TSPAN7: variants seen among roughly 807,000 people sequenced by gnomAD.
TSPAN7 encodes tetraspanin-7.
Under a neutral mutation model 17.6 loss-of-function variants are expected in TSPAN7, and 1 was observed. The ratio of observed to expected loss-of-function variants is 0.06; its 90% CI spans 0.02 to 0.27. The LOEUF (loss-of-function observed/expected upper bound fraction) is 0.27. TSPAN7 is among the 10% of genes least tolerant of loss of function. The probability of loss-of-function intolerance (pLI) is 1.00; values close to 1 mark genes in which losing one functional copy is unlikely to be tolerated. For synonymous variants in TSPAN7, 78 were observed against 79.0 expected (o/e 0.99, Z 0.07); for missense variants, 112 against 201.7 (o/e 0.56, Z 2.69).
At chrX:38,566,237 G>A (rs2069143123) in intron 1 of TSPAN7, 3 of 585,806 alleles carry the variant, frequency 5.1e-6, no homozygotes, top group Non-Finnish European at 6.9e-6. Context: ...TGGATGGGAT[G>A]ATTTGTCTTT....
intron 1 of TSPAN7, among the ~76,000 whole-genome samples, chrX:38,601,149 T>G (rs1016449813): frequency 4.5e-5 from 5 of 111,853 alleles, no homozygotes; most frequent in African/African-American, 1.6e-4. Flanking sequence ...CATGATATTC[T>G]GAAACAGGCG....
intron 6 of TSPAN7, among the ~76,000 whole-genome samples, chrX:38,685,463 T>C (rs1448203170): frequency 9.0e-6 from 1 of 110,972 alleles, no homozygotes; most frequent in Non-Finnish European, 1.9e-5. Context: ...CTACTAAAAA[T>C]ACAAAAATTA....
intron 1 of TSPAN7, among the ~76,000 whole-genome samples, chrX:38,587,329 C>T (rs1482340038): frequency 1.8e-5 from 2 of 111,955 alleles, no homozygotes; most frequent in Non-Finnish European, 3.8e-5. Context: ...CTGTGGAGCT[C>T]TAATATGATT....
At chrX:38,563,864 A>C (rs1416033259) in intron 1 of TSPAN7, among the ~76,000 whole-genome samples, 1 of 111,715 alleles carries the variant, frequency 9.0e-6, no homozygotes, top group East Asian at 2.8e-4. Flanking sequence ...ATCTCTTCGG[A>C]TGTGTGAGGA....
chrX:38,603,817 A>C (rs898187206), intron 1 of TSPAN7, among the ~76,000 whole-genome samples: 2 of 109,271 alleles, frequency 1.8e-5, no homozygotes, highest in Non-Finnish European at 3.8e-5. Context: ...TTAATATTTT[A>C]TTTATTTTTT....
intron 1 of TSPAN7, among the ~76,000 whole-genome samples, chrX:38,622,608 T>C (rs2069494847): frequency 8.9e-6 from 1 of 112,365 alleles, no homozygotes; most frequent in Non-Finnish European, 1.9e-5. Context: ...TAGTTAGGAT[T>C]CTGACTGGTA....
chrX:38,618,686 A>T (rs190449298), intron 1 of TSPAN7, among the ~76,000 whole-genome samples: 2 of 111,813 alleles, frequency 1.8e-5, no homozygotes, highest in East Asian at 5.6e-4. Context: ...CTTCATGTTA[A>T]TTCCTTTGCT....
chrX:38,594,020 T>C (rs1290249414), intron 1 of TSPAN7, among the ~76,000 whole-genome samples: 1 of 112,068 alleles, frequency 8.9e-6, no homozygotes, highest in African/African-American at 3.2e-5. Context: ...CTTCTTTCTC[T>C]GATAGTGAGA....
At chrX:38,628,345 T>G (rs2069533158) in intron 1 of TSPAN7, among the ~76,000 whole-genome samples, 1 of 111,897 alleles carries the variant, frequency 8.9e-6, no homozygotes, top group African/African-American at 3.2e-5. Flanking sequence ...TGTTTTTTTT[T>G]GTTTTTGTTT....
rs142345745 is a variant in TSPAN7, at chrX:38,622,672, T to G, written c.82-43449T>G. The stretch of plus-strand genomic sequence containing the variant: ...GGTCCTACTTGGGAAGGTGGAGAGA[T>G]TGAGTGCCATGTTGGCAGTTTACCT... On this transcript the variant is annotated intron_variant, in intron 1 of 7. Transcript: ENST00000378482. Among the ~76,000 whole-genome samples the G allele has an allele frequency of 4.2e-3, 477 of 112,282 alleles. 2 individuals are homozygous for G. Among genetic ancestry groups the G allele is most frequent in the African/African-American group, 0.015 (458 of 30,948 alleles).
intron 1 of TSPAN7, among the ~76,000 whole-genome samples, chrX:38,661,606 G>T (rs1489453137): frequency 8.9e-6 from 1 of 111,924 alleles, no homozygotes; most frequent in Non-Finnish European, 1.9e-5. Flanking sequence ...CCTTCACCAG[G>T]CCAGTCATGT....
chrX:38,657,540 G>A (rs2069711708), intron 1 of TSPAN7, among the ~76,000 whole-genome samples: 1 of 111,766 alleles, frequency 8.9e-6, no homozygotes, highest in South Asian at 3.7e-4. Context: ...CTTGGTGAAT[G>A]CTGTTGACCA....
chrX:38,648,683 C>T (rs1288164617), intron 1 of TSPAN7, among the ~76,000 whole-genome samples: 8 of 111,770 alleles, frequency 7.2e-5, no homozygotes, highest in Middle Eastern at 4.6e-3. Context: ...AACTCCTGGC[C>T]TTAAACAGTC....
chrX:38,665,848 A>T (rs1008460468), intron 1 of TSPAN7, among the ~76,000 whole-genome samples: 1 of 112,037 alleles, frequency 8.9e-6, no homozygotes, highest in South Asian at 3.8e-4. Flanking sequence ...ACTGCTTTTT[A>T]AAAAAGAAGT....
intron 1 of TSPAN7, among the ~76,000 whole-genome samples, chrX:38,564,367 C>T (rs1241877749): frequency 8.9e-6 from 1 of 112,021 alleles, no homozygotes; most frequent in African/African-American, 3.2e-5. Flanking sequence ...GATTATAGCA[C>T]ATTTTGTTTA....
intron 1 of TSPAN7, among the ~76,000 whole-genome samples, chrX:38,629,357 A>G (rs62587378): frequency 1.1e-4 from 12 of 112,311 alleles, no homozygotes; most frequent in Non-Finnish European, 1.9e-4. Flanking sequence ...ATTTGGGACA[A>G]TACACTTGAA....
chrX:38,648,855 G>A (rs762641522), intron 1 of TSPAN7, among the ~76,000 whole-genome samples: 47 of 107,060 alleles, frequency 4.4e-4, no homozygotes, highest in African/African-American at 1.3e-3. Flanking sequence ...GGGAGGTGGA[G>A]GTTGCAGTAA....
At chrX:38,650,044 T>C (rs945771217) in intron 1 of TSPAN7, among the ~76,000 whole-genome samples, 9 of 112,154 alleles carry the variant, frequency 8.0e-5, no homozygotes, top group African/African-American at 2.9e-4. Flanking sequence ...TTGGGAATGC[T>C]CTAATGGGAG....
In TSPAN7 at chrX:38,674,290, C is replaced by T. The variant is rs1450434566; in HGVS notation, c.415C>T (p.Arg139Trp). ...QTYNGNDERS[R>W]AVDHVQRSLS... ...TTACAATGGCAATGATGAGAGGAGC[C>T]GGGCAGTGGACCATGTGCAGCGCAG... The change falls in exon 4 of 8, where the codon CGG (arginine) becomes TGG (tryptophan). Residue 139 changes from arginine (R) to tryptophan (W), a missense_variant. Arg to Trp is a moderately radical substitution (Grantham distance 101). Coordinates refer to ENST00000378482, the MANE Select transcript of TSPAN7 (RefSeq NM_004615.4). 12 of 1,194,709 alleles carry T rather than the reference C, an allele frequency of 1.0e-5. No individual in the cohort carries two copies. The highest frequency in any genetic ancestry group is 1.8e-5 in the South Asian group (1 of 54,453).
Sources: gnomAD v4.1 joint callset for allele counts (sites outside exome capture counted in the v4.1 genomes callset) on GRCh38, gnomAD v4.1.1 for gene constraint, MANE v1.5 for transcripts, NCBI Gene and HGNC (gene_info 2026-07-23, HGNC 2026-07-21) for gene names.